GRIP1: variants seen among roughly 807,000 people sequenced by gnomAD.
GRIP1 encodes the protein glutamate receptor-interacting protein 1.
In GRIP1, 45 loss-of-function variants were observed where a neutral mutation model predicts 129.9. That is an observed-to-expected ratio of 0.35 (90% CI 0.27 to 0.44). The LOEUF (loss-of-function observed/expected upper bound fraction) is 0.44, where lower values mean the gene tolerates loss of function less well. Ranked by LOEUF, GRIP1 falls within the 20% of genes least tolerant of loss-of-function variation. The pLI is 1.00. For synonymous variants in GRIP1, 530 were observed against 520.8 expected (o/e 1.02, Z -0.24); for missense variants, 1,196 against 1,396.8 (o/e 0.86, Z 2.29).
At chr12:67,030,076 T>C (rs1043963877) in intron 1 of GRIP1, among the ~76,000 whole-genome samples, 1 of 147,792 alleles carries the variant, frequency 6.8e-6, no homozygotes, top group Admixed American at 6.7e-5. Context: ...CCAGGTGTGG[T>C]GGCAGGCGCC....
intron 23 of GRIP1, among the ~76,000 whole-genome samples, chr12:66,359,862 C>T (rs1307293079): frequency 3.3e-5 from 5 of 152,126 alleles, no homozygotes; most frequent in Non-Finnish European, 5.9e-5. Flanking sequence ...GTGCCATATA[C>T]CCCTGTTTAC....
intron 2 of GRIP1, among the ~76,000 whole-genome samples, chr12:66,587,889 C>T (rs1406387304): frequency 1.3e-5 from 2 of 152,118 alleles, no homozygotes; most frequent in Non-Finnish European, 2.9e-5. Context: ...TTTCCACCCA[C>T]ATTTTGAAGG....
intron 1 of GRIP1, among the ~76,000 whole-genome samples, chr12:66,830,399 G>A (rs1048172567): frequency 5.3e-5 from 8 of 152,118 alleles, no homozygotes; most frequent in Non-Finnish European, 1.0e-4. Context: ...TGTGACCATG[G>A]AAGGAGAGGG....
At chr12:66,660,371 T>C (rs1244898283) in intron 1 of GRIP1, among the ~76,000 whole-genome samples, 2 of 152,148 alleles carry the variant, frequency 1.3e-5, no homozygotes, top group African/African-American at 2.4e-5. Context: ...TGTTCTTATG[T>C]CATGGGTAAA....
At chr12:66,859,300 C>A (rs11610765) in intron 1 of GRIP1, among the ~76,000 whole-genome samples, 1,816 of 12,746 alleles carry the variant, frequency 0.14, 98 homozygotes, top group Non-Finnish European at 0.32. Context: ...AACAAAAAAA[C>A]AAAAAAAAAC....
At chr12:66,989,623 A>G (rs993766599) in intron 1 of GRIP1, among the ~76,000 whole-genome samples, 2 of 152,198 alleles carry the variant, frequency 1.3e-5, no homozygotes, top group Non-Finnish European at 2.9e-5. Flanking sequence ...TCACTCATAG[A>G]GACTTTTTTA....
intron 5 of GRIP1, among the ~76,000 whole-genome samples, chr12:66,523,645 C>T (rs1282889724): frequency 6.6e-6 from 1 of 151,412 alleles, no homozygotes; most frequent in Admixed American, 6.6e-5. Context: ...CACCAGCTAA[C>T]ATCATAATGA....
chr12:66,803,276 T>C (rs1235469723), intron 1 of GRIP1, among the ~76,000 whole-genome samples: 1 of 152,160 alleles, frequency 6.6e-6, no homozygotes, highest in Non-Finnish European at 1.5e-5. Context: ...ACTGTCATCT[T>C]CCCCCATTTG....
At chr12:66,705,731 G>A (rs1438574347) in intron 1 of GRIP1, among the ~76,000 whole-genome samples, 1 of 152,022 alleles carries the variant, frequency 6.6e-6, no homozygotes, top group African/African-American at 2.4e-5. Context: ...GAACAGAACA[G>A]ATACTTCAGA....
intron 1 of GRIP1, among the ~76,000 whole-genome samples, chr12:66,781,889 A>G (rs897091050): frequency 6.6e-6 from 1 of 152,218 alleles, no homozygotes; most frequent in Admixed American, 6.5e-5. Flanking sequence ...AGCTGAACAT[A>G]TGCATGTACT....
chr12:66,539,372 T>G lies in GRIP1; in HGVS notation c.273-149A>C, dbSNP rs562568557. 3.2e-6 allele frequency: 3 copies of G among 950,042 alleles called. No individual in the cohort carries two copies. In the Admixed American group the frequency reaches 5.7e-5, roughly 18 times the overall value. 58.9% of individuals were successfully genotyped at this position (950,042 alleles called of 1,614,324 possible). The stretch of plus-strand genomic sequence containing the variant: ...GAAGTCCCTGCCTCCTAGGAGACGG[T>G]GGGCCCTTAAGGGTAAGAGTACAGC... On this transcript the variant is annotated intron_variant, in intron 3 of 24. Transcript: ENST00000359742.
intron 1 of GRIP1, among the ~76,000 whole-genome samples, chr12:67,042,028 A>AT (rs2043188537): frequency 6.6e-6 from 1 of 152,148 alleles, no homozygotes; most frequent in Non-Finnish European, 1.5e-5. Context: ...CCTCACCCTC[A>AT]TGAGTGAATT....
intron 1 of GRIP1, among the ~76,000 whole-genome samples, chr12:66,636,173 A>G (rs1417823430): frequency 6.6e-6 from 1 of 152,194 alleles, no homozygotes; most frequent in Non-Finnish European, 1.5e-5. Flanking sequence ...CAAATACTGT[A>G]TGGTTCCATT....
intron 13 of GRIP1, among the ~76,000 whole-genome samples, chr12:66,438,239 C>T (rs2058369246): frequency 6.6e-6 from 1 of 152,176 alleles, no homozygotes; most frequent in Non-Finnish European, 1.5e-5. Context: ...CCATTAGATT[C>T]TTTCTCCTGG....
chr12:66,696,515 G>C (rs1592751742), intron 1 of GRIP1, among the ~76,000 whole-genome samples: 1 of 151,992 alleles, frequency 6.6e-6, no homozygotes, highest in Admixed American at 6.6e-5. Context: ...GGCCAGGCGT[G>C]GTGGCTCTCG....
Position 66,537,059 on chromosome 12 carries a change from G to A in GRIP1, c.418+2019C>T, listed in dbSNP as rs1262990137. On this transcript the variant is annotated intron_variant, in intron 4 of 24. Coordinates refer to ENST00000359742, the MANE Select transcript of GRIP1 (RefSeq NM_001366722.1). ...GTCTGGCAGCCTGGATTCAGATATT[G>A]AATCCAGGCTTTGTAAAATGAGAAA... 2.0e-5 allele frequency among the ~76,000 whole-genome samples: 3 copies of A among 151,978 alleles called. No individual in the cohort carries two copies. The East Asian group carries it at 5.8e-4, about 29-fold the overall frequency.
intron 1 of GRIP1, among the ~76,000 whole-genome samples, chr12:66,918,528 T>C (rs2041163954): frequency 6.6e-6 from 1 of 152,174 alleles, no homozygotes; most frequent in Admixed American, 6.5e-5. Flanking sequence ...CAACCAATGA[T>C]ATTCCCAAAT....
chr12:66,985,537 A>G (rs1177863428), intron 1 of GRIP1, among the ~76,000 whole-genome samples: 2 of 152,188 alleles, frequency 1.3e-5, no homozygotes, highest in Non-Finnish European at 2.9e-5. Context: ...TTTGATTTAC[A>G]ACTTAATTGT....
chr12:66,536,548 A>G (rs1029015944), intron 4 of GRIP1, among the ~76,000 whole-genome samples: 10 of 152,138 alleles, frequency 6.6e-5, no homozygotes, highest in African/African-American at 2.4e-4. Flanking sequence ...CCAGAAATCC[A>G]TACAACCAAC....
Sources: gnomAD v4.1 joint callset for allele counts (sites outside exome capture counted in the v4.1 genomes callset) on GRCh38, gnomAD v4.1.1 for gene constraint, MANE v1.5 for transcripts, NCBI Gene and HGNC (gene_info 2026-07-23, HGNC 2026-07-21) for gene names.